Variants in COL14A1 observed in about 807,000 individuals in gnomAD.
COL14A1 encodes collagen alpha-1(XIV) chain.
A neutral mutation model predicts 230.3 loss-of-function variants in COL14A1; 136 were observed. The observed-to-expected ratio is 0.59, with a 90% confidence interval of 0.51 to 0.68. The LOEUF (loss-of-function observed/expected upper bound fraction) is 0.68. COL14A1 is among the 30% of genes least tolerant of loss of function. The pLI is 0.00. For missense variants in COL14A1, 1,976 were observed against 2,215.8 expected, an observed-to-expected ratio of 0.89 and a Z score of 2.17; for synonymous variants, 792 against 784.1, an observed-to-expected ratio of 1.01 and a Z score of -0.17.
In COL14A1 at chr8:120,250,833, A is replaced by T. The variant is rs550599487; in HGVS notation, c.2752+67A>T. 1.8e-4 allele frequency: 277 copies of T among 1,566,374 alleles called. No homozygotes were observed. In the African/African-American group the frequency reaches 3.3e-3, roughly 19 times the overall value. ...TGTTTTGTTTTGTTTTTTGAGATGG[A>T]GTCTCGCTCTGTCGCTCAGGCTGGA... On this transcript the variant is annotated intron_variant, in intron 22 of 47. Transcript: ENST00000297848.
chr8:120,210,664 T>C (rs1428129529), intron 12 of COL14A1, among the ~76,000 whole-genome samples: 4 of 152,280 alleles, frequency 2.6e-5, no homozygotes, highest in Admixed American at 2.6e-4. Flanking sequence ...ATTTAAGGAA[T>C]GAAGAGGATG....
intron 37 of COL14A1, among the ~76,000 whole-genome samples, chr8:120,311,697 A>C (rs1040513260): frequency 6.6e-6 from 1 of 151,940 alleles, no homozygotes. Context: ...GACAAAGCAA[A>C]CCTCTTGTTG....
chr8:120,250,769 A>G lies in COL14A1; in HGVS notation c.2752+3A>G. 2 of 1,613,852 alleles carry G rather than the reference A, an allele frequency of 1.2e-6. No homozygotes were observed. The highest frequency in any genetic ancestry group is 1.7e-6 in the Non-Finnish European group (2 of 1,179,966). On this transcript the variant is annotated splice_donor_region_variant and intron_variant, in intron 22 of 47. Coordinates refer to ENST00000297848, the MANE Select transcript of COL14A1 (RefSeq NM_021110.4). Reference sequence around the variant, plus strand: ...CCTGACAGGCATGGTGAAAACATGTAAGAGCCATTTCCGATGGCCTCAGCC... The same window carrying G: ...CCTGACAGGCATGGTGAAAACATGTGAGAGCCATTTCCGATGGCCTCAGCC...
intron 40 of COL14A1, among the ~76,000 whole-genome samples, chr8:120,331,747 T>G (rs184231742): frequency 1.3e-5 from 2 of 152,334 alleles, no homozygotes; most frequent in African/African-American, 4.8e-5. Flanking sequence ...GAAAGACAGA[T>G]CCCTCTGATA....
rs1368472921 is a variant in COL14A1 at position 120,289,748 on chromosome 8, A to G, written c.4218A>G (p.Pro1406=). ...VLGKMVRSRG[P]GGNSAPFQLQ... ...GGAAAATGGTTCGATCAAGAGGACC[A>G]GGTGGAAACTCTGCACCGGTAAGTG... The change falls in exon 34 of 48, where the codon CCA becomes CCG. Residue 1406 remains proline (P), a synonymous_variant. Coordinates refer to ENST00000297848, the MANE Select transcript of COL14A1 (RefSeq NM_021110.4). The G allele has an allele frequency of 1.2e-6, 2 of 1,613,612 alleles. No homozygotes were observed. The highest frequency in any genetic ancestry group is 8.5e-7 in the Non-Finnish European group (1 of 1,179,770).
intron 5 of COL14A1, among the ~76,000 whole-genome samples, chr8:120,187,244 A>G (rs1246906518): frequency 6.6e-6 from 1 of 152,216 alleles, no homozygotes; most frequent in African/African-American, 2.4e-5. Flanking sequence ...GTTTAAAAGG[A>G]AGATTTTTAA....
At chr8:120,133,737 A>T (rs73704239) in intron 1 of COL14A1, among the ~76,000 whole-genome samples, 2,027 of 152,258 alleles carry the variant, frequency 0.013, 52 homozygotes, top group African/African-American at 0.046. Context: ...AAAAATAAGA[A>T]CAAGACAAAG....
chr8:120,190,535 G>T (rs1009795006), intron 5 of COL14A1, among the ~76,000 whole-genome samples: 1 of 152,052 alleles, frequency 6.6e-6, no homozygotes, highest in African/African-American at 2.4e-5. Flanking sequence ...ATTGCTTTTG[G>T]TGTTTTAGAC....
chr8:120,332,568 C>A, intron 41 of COL14A1, 96 bp from the exon 42 acceptor site: 1 of 988,266 alleles, frequency 1.0e-6, no homozygotes, highest in Non-Finnish European at 1.6e-6. Context: ...GGGAAGCTAT[C>A]ATGGTGTGTA....
intron 5 of COL14A1, among the ~76,000 whole-genome samples, chr8:120,188,923 A>C (rs1301460867): frequency 6.6e-6 from 1 of 152,084 alleles, no homozygotes; most frequent in East Asian, 1.9e-4. Context: ...CTACTACTTG[A>C]TTTTTAACAC....
intron 40 of COL14A1, among the ~76,000 whole-genome samples, chr8:120,316,241 G>T (rs1429315921): frequency 6.6e-6 from 1 of 152,136 alleles, no homozygotes; most frequent in Non-Finnish European, 1.5e-5. Flanking sequence ...CTTTCCGAGT[G>T]CTCCCATGAC....
At chr8:120,327,686 C>G (rs1821725725) in intron 40 of COL14A1, among the ~76,000 whole-genome samples, 2 of 152,120 alleles carry the variant, frequency 1.3e-5, no homozygotes, top group Admixed American at 1.3e-4. Flanking sequence ...CTCATTCTAC[C>G]TGTGATTCAC....
At chr8:120,124,550 G>A (rs1265045178), upstream of COL14A1, among the ~76,000 whole-genome samples, 2 of 152,174 alleles carry the variant, frequency 1.3e-5, no homozygotes, top group Admixed American at 1.3e-4. Flanking sequence ...TGTCCATTTC[G>A]ATACCTCCAG....
intron 42 of COL14A1, among the ~76,000 whole-genome samples, chr8:120,339,050 C>T (rs997012999): frequency 3.3e-5 from 5 of 152,202 alleles, no homozygotes; most frequent in Middle Eastern, 3.2e-3. Flanking sequence ...GGAACGCCTC[C>T]CAGGTTCAAG....
intron 35 of COL14A1, 90 bp downstream of exon 35, chr8:120,297,678 G>A: frequency 1.6e-6 from 1 of 642,672 alleles, no homozygotes; most frequent in Non-Finnish European, 2.4e-6. Context: ...TCATATCATA[G>A]GCAACTCGTT....
intron 26 of COL14A1, among the ~76,000 whole-genome samples, chr8:120,275,799 A>G (rs540992297): frequency 1.3e-5 from 2 of 151,980 alleles, no homozygotes; most frequent in South Asian, 4.1e-4. Flanking sequence ...TTGCCCCTGT[A>G]AGAATGGCCA....
At chr8:120,201,145 T>A (rs1586760994) in intron 8 of COL14A1, among the ~76,000 whole-genome samples, 1 of 152,112 alleles carries the variant, frequency 6.6e-6, no homozygotes, top group Non-Finnish European at 1.5e-5. Flanking sequence ...TGATGTATAT[T>A]ATCCTATAGT....
chr8:120,167,435 T>G (rs1446204759), intron 4 of COL14A1, among the ~76,000 whole-genome samples: 3 of 152,234 alleles, frequency 2.0e-5, no homozygotes, highest in Non-Finnish European at 4.4e-5. Context: ...CACTGACATT[T>G]GGCAGGCTCT....
chr8:120,330,354 C>T (rs1433704446), intron 40 of COL14A1, among the ~76,000 whole-genome samples: 1 of 152,184 alleles, frequency 6.6e-6, no homozygotes, highest in Non-Finnish European at 1.5e-5. Context: ...CTAATAAAGA[C>T]ATACCCGAGA....
Sources: allele counts gnomAD v4.1 joint callset (sites outside exome capture counted in the v4.1 genomes callset), GRCh38; gene constraint gnomAD v4.1.1; transcripts MANE v1.5; gene names NCBI Gene and HGNC (gene_info 2026-07-23, HGNC 2026-07-21).